CLIC4: variants seen among roughly 807,000 people sequenced by gnomAD.
The protein encoded by CLIC4 is chloride intracellular channel protein 4.
Under a neutral mutation model 24.6 loss-of-function variants are expected in CLIC4, and 13 were observed. The observed-to-expected ratio is 0.53, with a 90% CI of 0.34 to 0.84. The LOEUF is 0.84. Ranked by LOEUF, CLIC4 falls within the 40% of genes least tolerant of loss-of-function variation. The pLI, the probability that CLIC4 is intolerant of heterozygous loss-of-function variation, is 0.01. For synonymous variants in CLIC4, 104 were observed against 111.3 expected (o/e 0.93, Z 0.41); for missense variants, 227 against 301.7 (o/e 0.75, Z 1.83).
chr1:24,788,596 TATTC>T (rs1206632243), intron 1 of CLIC4, among the ~76,000 whole-genome samples: 4 of 152,248 alleles, frequency 2.6e-5, no homozygotes, highest in Admixed American at 2.6e-4. Flanking sequence ...TCCTTTCACT[TATTC>T]AAGTTACAGC....
In CLIC4 at chr1:24,799,180, C is replaced by T. The variant is rs1639442923; in HGVS notation, c.182+1329C>T. Among the ~76,000 whole-genome samples the T allele has an allele frequency of 2.0e-5, 3 of 151,406 alleles. 1 individual carries two copies. The highest frequency in any genetic ancestry group is 7.3e-5 in the African/African-American group (3 of 41,178). Reference sequence around the variant, plus strand: ...GTGAGGAGCGTCTCCGCCTGGCCGCCATCCCATCTAGGAAGTGAGGAGCGG... The same window carrying T: ...GTGAGGAGCGTCTCCGCCTGGCCGCTATCCCATCTAGGAAGTGAGGAGCGG... On this transcript the variant is annotated intron_variant, in intron 2 of 5. Transcript: ENST00000374379.
At chr1:24,779,224 C>T (rs370843250) in intron 1 of CLIC4, among the ~76,000 whole-genome samples, 4 of 152,162 alleles carry the variant, frequency 2.6e-5, no homozygotes, top group African/African-American at 4.8e-5. Flanking sequence ...ACTCCCAGCA[C>T]GTTGGGAGGC....
intron 1 of CLIC4, among the ~76,000 whole-genome samples, chr1:24,755,345 A>G (rs928004945): frequency 2.6e-5 from 4 of 151,556 alleles, no homozygotes; most frequent in African/African-American, 9.7e-5. Flanking sequence ...AGGCTGAGGC[A>G]GGAGAATCTC....
chr1:24,757,576 C>CA, intron 1 of CLIC4, among the ~76,000 whole-genome samples: 1 of 151,366 alleles, frequency 6.6e-6, no homozygotes, highest in African/African-American at 2.4e-5. Flanking sequence ...CCTGTCTCTA[C>CA]AAAAAAACTA....
At chr1:24,814,332 C>T in intron 3 of CLIC4, 113 bp downstream of exon 3, 1 of 1,213,356 alleles carries the variant, frequency 8.2e-7, no homozygotes, top group Non-Finnish European at 1.2e-6. Context: ...GGACTCTCTT[C>T]TATGTTTCTT....
intron 1 of CLIC4, among the ~76,000 whole-genome samples, chr1:24,747,809 G>A (rs902327600): frequency 1.3e-5 from 2 of 151,962 alleles, no homozygotes; most frequent in African/African-American, 2.4e-5. Context: ...CCGAGATGGG[G>A]AGATCACTTG....
At chr1:24,762,760 A>G (rs1217409303) in intron 1 of CLIC4, among the ~76,000 whole-genome samples, 2 of 152,188 alleles carry the variant, frequency 1.3e-5, no homozygotes, top group African/African-American at 4.8e-5. Flanking sequence ...TACAGCGGGT[A>G]GAAGAATGAA....
chr1:24,804,994 G>T (rs1417832254), intron 2 of CLIC4, among the ~76,000 whole-genome samples: 1 of 150,744 alleles, frequency 6.6e-6, no homozygotes, highest in African/African-American at 2.4e-5. Context: ...AGCTACTCAG[G>T]AGGCTGAGGC....
intron 4 of CLIC4, 124 bp downstream of exon 4, chr1:24,827,240 T>C (rs1639796137): frequency 1.6e-6 from 1 of 620,716 alleles, no homozygotes; most frequent in East Asian, 2.9e-5. Context: ...TAATAAAAAC[T>C]GTCTTTCAGA....
intron 1 of CLIC4, among the ~76,000 whole-genome samples, chr1:24,754,654 T>A (rs1043128281): frequency 6.6e-6 from 1 of 152,162 alleles, no homozygotes; most frequent in South Asian, 2.1e-4. Context: ...ATTTAAGACA[T>A]GTAAATGTAA....
At chr1:24,812,996 C>T (rs1315260330) in intron 2 of CLIC4, among the ~76,000 whole-genome samples, 1 of 151,132 alleles carries the variant, frequency 6.6e-6, no homozygotes, top group East Asian at 2.0e-4. Flanking sequence ...GGATTAGAGG[C>T]GTGAGCCACC....
At chr1:24,756,418 G>A (rs1209352611) in intron 1 of CLIC4, among the ~76,000 whole-genome samples, 2 of 152,198 alleles carry the variant, frequency 1.3e-5, no homozygotes, top group East Asian at 3.8e-4. Flanking sequence ...TTTTCTTGAA[G>A]TTGAAATACA....
chr1:24,831,650 T>G (rs1240525535), intron 4 of CLIC4, among the ~76,000 whole-genome samples: 1 of 152,190 alleles, frequency 6.6e-6, no homozygotes. Flanking sequence ...GGTTTTTTGT[T>G]TGTTTTGTTT....
intron 3 of CLIC4, among the ~76,000 whole-genome samples, chr1:24,823,306 T>A (rs972727776): frequency 6.6e-5 from 10 of 152,202 alleles, no homozygotes; most frequent in Non-Finnish European, 8.8e-5. Context: ...TGTGTATGTT[T>A]TATAGTTCTT....
intron 2 of CLIC4, among the ~76,000 whole-genome samples, chr1:24,798,652 GTCCCTCTCTTTCCACGGTC>G (rs1169571209): frequency 2.8e-3 from 429 of 151,770 alleles, no homozygotes; most frequent in African/African-American, 9.2e-3. Context: ...TCCCCACGGT[GTCCCTCTCTTTCCACGGTC>G]TCCCTCTCTT....
chr1:24,841,372 T>A lies in CLIC4; in HGVS notation c.*435T>A, dbSNP rs1411174132. 1.3e-5 allele frequency: 2 copies of A among 152,804 alleles called. No homozygotes were observed. Among genetic ancestry groups the A allele is most frequent in the African/African-American group, 4.8e-5 (2 of 41,506 alleles). The allele number at this position is 152,804 out of a possible 1,614,324, so 9.5% of individuals were successfully genotyped here. A position where few individuals can be genotyped will look rare whatever the true frequency, so the allele number is the denominator to read the frequency against. On this transcript the variant is annotated 3_prime_UTR_variant, in exon 6 of 6. Transcript: ENST00000374379. ...ATGCATGGTACAAGAAATATTTATGTATTTTTTGGAATTTTGTAATATTTA... is the reference window on the plus strand; with the variant it reads ...ATGCATGGTACAAGAAATATTTATGAATTTTTTGGAATTTTGTAATATTTA...
chr1:24,797,601 A>AGCCTTATT, intron 1 of CLIC4, 141 bp from the exon 2 acceptor site: 2 of 541,120 alleles, frequency 3.7e-6, no homozygotes, highest in Non-Finnish European at 6.4e-6. Context: ...ACAAAATAAT[A>AGCCTTATT]AAGACCCAAA....
chr1:24,843,971 A>G lies in CLIC4; in HGVS notation c.*3034A>G, dbSNP rs557081512. 6.5e-6 allele frequency: 1 copy of G among 152,780 alleles called. No homozygotes were observed. Among genetic ancestry groups the G allele is most frequent in the South Asian group, 2.1e-4 (1 of 4,830 alleles). 9.5% of individuals were successfully genotyped at this position (152,780 alleles called of 1,614,324 possible). On this transcript the variant is annotated 3_prime_UTR_variant, in exon 6 of 6. Transcript: ENST00000374379. ...AATTTCTTGCATTAATTTGAATTTA[A>G]GCATTTAATTCAAAGAGAGGGGAGC...
At chr1:24,798,465 A>G (rs1639430126) in intron 2 of CLIC4, among the ~76,000 whole-genome samples, 1 of 152,092 alleles carries the variant, frequency 6.6e-6, no homozygotes, top group African/African-American at 2.4e-5. Context: ...TTTATGGCTT[A>G]TTTTCCATAG....
Sources: gnomAD v4.1 joint callset for allele counts (sites outside exome capture counted in the v4.1 genomes callset) on GRCh38, gnomAD v4.1.1 for gene constraint, MANE v1.5 for transcripts, NCBI Gene and HGNC (gene_info 2026-07-23, HGNC 2026-07-21) for gene names.